Variants in SCN10A observed in about 807,000 individuals in gnomAD.
SCN10A encodes the protein sodium voltage-gated channel alpha subunit 10.
Under a neutral mutation model 170.7 loss-of-function variants are expected in SCN10A, and 162 were observed. That is an observed-to-expected ratio of 0.95 (90% CI 0.84 to 1.08). The LOEUF is 1.08. SCN10A is among the 50% of genes least tolerant of loss of function. The pLI is 0.00. For missense variants in SCN10A, 2,527 were observed against 2,436.9 expected, an observed-to-expected ratio of 1.04 and a Z score of -0.78; for synonymous variants, 985 against 904.6, an observed-to-expected ratio of 1.09 and a Z score of -1.59.
intron 15 of SCN10A, among the ~76,000 whole-genome samples, chr3:38,735,057 C>T (rs901739086): frequency 6.6e-6 from 1 of 151,094 alleles, no homozygotes; most frequent in Non-Finnish European, 1.5e-5. Flanking sequence ...GTAGTCCCAG[C>T]TACTCAGGAG....
At position 38,742,437 on chromosome 3, in the gene SCN10A, G is replaced by A; in HGVS notation, c.1960C>T (p.Leu654Phe). ...ACAAGCCCAAAGAGAATTGTCTTGA[G>A]CTTCACCCACATGGGGCAGCAATCC... ...IWDCCPMWVK[L>F]KTILFGLVTD... Residue 654 changes from leucine (L) to phenylalanine (F), a missense_variant, in exon 14 of 28, where the codon CTC becomes TTC. Leu to Phe is a conservative substitution (Grantham distance 22). Coordinates refer to ENST00000449082, the MANE Select transcript of SCN10A (RefSeq NM_006514.4). 6.2e-7 allele frequency: 1 copy of A among 1,614,200 alleles called. No homozygotes were observed. Among genetic ancestry groups the A allele is most frequent in the East Asian group, 2.2e-5 (1 of 44,870 alleles).
intron 5 of SCN10A, among the ~76,000 whole-genome samples, chr3:38,763,805 T>G (rs1043795982): frequency 6.6e-6 from 1 of 152,214 alleles, no homozygotes; most frequent in African/African-American, 2.4e-5. Flanking sequence ...AGAAGATGCA[T>G]TGTGATCTAG....
intron 21 of SCN10A, among the ~76,000 whole-genome samples, chr3:38,717,464 CT>C (rs1016397248): frequency 2.9e-4 from 44 of 152,360 alleles, no homozygotes; most frequent in African/African-American, 1.0e-3. Flanking sequence ...AATAATTTTC[CT>C]TTCATTTATG....
Position 38,805,296 on chromosome 3 carries a change from A to G in SCN10A, c.-33+10741T>C, listed in dbSNP as rs578123337. Among the ~76,000 whole-genome samples, 11 of 152,204 alleles carry G rather than the reference A, an allele frequency of 7.2e-5. No individual in the cohort carries two copies. The South Asian group carries it at 2.3e-3, about 32-fold the overall frequency. On this transcript the variant is annotated intron_variant, in intron 1 of 27. Transcript: ENST00000449082. ...GGTGCTGAGAAATACTAACTGAACT[A>G]CTGTTATGTCTGAGTGAAACTGTGT...
chr3:38,697,153 T>C lies in SCN10A; in HGVS notation c.*196A>G. The C allele has an allele frequency of 1.3e-6, 1 of 741,820 alleles. No individual in the cohort carries two copies. The highest frequency in any genetic ancestry group is 2.1e-5 in the South Asian group (1 of 47,886). 46.0% of individuals were successfully genotyped at this position (741,820 alleles called of 1,614,324 possible). ...AGGGAAATCACAGTGGAAGTGCTCT[T>C]AGCTTCTGACTCCTATTTGTGTATG... On this transcript the variant is annotated 3_prime_UTR_variant, in exon 28 of 28. Transcript: ENST00000449082.
chr3:38,805,724 T>G (rs2064400966), intron 1 of SCN10A, among the ~76,000 whole-genome samples: 1 of 152,168 alleles, frequency 6.6e-6, no homozygotes. Context: ...TACATGATCC[T>G]GCCCAGTCCT....
chr3:38,791,904 A>C (rs1275076408), intron 3 of SCN10A, 146 bp downstream of exon 3: 6 of 1,082,344 alleles, frequency 5.5e-6, no homozygotes, highest in Non-Finnish European at 7.9e-6. Context: ...TTAAAGGCCC[A>C]AGCCATTTTT....
intron 4 of SCN10A, among the ~76,000 whole-genome samples, chr3:38,778,179 A>G (rs2064098049): frequency 6.6e-6 from 1 of 152,076 alleles, no homozygotes; most frequent in Non-Finnish European, 1.5e-5. Flanking sequence ...CAGTAGATTC[A>G]GCTTCATTTC....
At chr3:38,732,993 CAAAGCTTGTAGT>C (rs2063526542) in intron 15 of SCN10A, among the ~76,000 whole-genome samples, 1 of 152,078 alleles carries the variant, frequency 6.6e-6, no homozygotes, top group African/African-American at 2.4e-5. Flanking sequence ...CAACTCTTAG[CAAAGCTTGTAGT>C]AATGGTGTAG....
intron 1 of SCN10A, among the ~76,000 whole-genome samples, chr3:38,800,788 G>A (rs2064366101): frequency 6.6e-6 from 1 of 152,110 alleles, no homozygotes; most frequent in African/African-American, 2.4e-5. Context: ...TCAAGTTTCT[G>A]TAGATATTTA....
At chr3:38,784,174 T>A (rs1280151850) in intron 4 of SCN10A, among the ~76,000 whole-genome samples, 1 of 152,086 alleles carries the variant, frequency 6.6e-6, no homozygotes, top group African/African-American at 2.4e-5. Flanking sequence ...ATGTATCAGT[T>A]TTTTCCTGTA....
chr3:38,772,508 T>C (rs148450274), intron 4 of SCN10A, among the ~76,000 whole-genome samples: 5,187 of 151,908 alleles, frequency 0.034, 146 homozygotes, highest in African/African-American at 0.074. Flanking sequence ...GCTAACGCGG[T>C]GAAACCCCGT....
intron 13 of SCN10A, among the ~76,000 whole-genome samples, chr3:38,743,312 G>A (rs570608672): frequency 1.6e-3 from 236 of 152,234 alleles, no homozygotes; most frequent in Middle Eastern, 3.4e-3. Context: ...CACTTGTGCC[G>A]GGCTCTTTCC....
intron 1 of SCN10A, among the ~76,000 whole-genome samples, chr3:38,813,505 T>G (rs1233563835): frequency 6.6e-6 from 1 of 152,174 alleles, no homozygotes; most frequent in Non-Finnish European, 1.5e-5. Flanking sequence ...TGTTTAATAT[T>G]TACAGTCGTC....
intron 1 of SCN10A, among the ~76,000 whole-genome samples, chr3:38,807,440 T>C (rs1378105270): frequency 6.6e-6 from 1 of 152,176 alleles, no homozygotes; most frequent in Admixed American, 6.5e-5. Context: ...AAGATGCAAA[T>C]GACCTCCAGG....
At chr3:38,709,433 G>A in intron 25 of SCN10A, 45 bp downstream of exon 25, 3 of 1,568,640 alleles carry the variant, frequency 1.9e-6, no homozygotes, top group Non-Finnish European at 2.6e-6. Context: ...GAAATATAAG[G>A]CTTACCACTA....
At position 38,701,927 on chromosome 3, in the gene SCN10A, A is replaced by T. The variant is rs2063160237; in HGVS notation, c.4569T>A (p.Cys1523Ter). Residue 1523 changes from cysteine to a stop codon, truncating the protein, a stop_gained, in exon 27 of 28, where the codon TGT becomes TGA. Coordinates refer to ENST00000449082, the MANE Select transcript of SCN10A (RefSeq NM_006514.4). LOFTEE classifies it high-confidence loss of function. ...GCCTCAAAGCGAACATCTTCATGACACATTCGCCTGTGAAGACGGCCACAA... is the reference window on the plus strand; with the variant it reads ...GCCTCAAAGCGAACATCTTCATGACTCATTCGCCTGTGAAGACGGCCACAA... ...QFFVAVFTGECVMKMFALRQY... is the reference protein window; with the variant it reads ...QFFVAVFTGE 6.2e-7 allele frequency: 1 copy of T among 1,614,092 alleles called. No individual in the cohort carries two copies. Among genetic ancestry groups the T allele is most frequent in the Admixed American group, 1.7e-5 (1 of 60,012 alleles).
chr3:38,772,998 A>G (rs2064027642), intron 4 of SCN10A, among the ~76,000 whole-genome samples: 1 of 152,184 alleles, frequency 6.6e-6, no homozygotes, highest in African/African-American at 2.4e-5. Context: ...TCAGACTAGG[A>G]GGTATATTGT....
At chr3:38,785,283 T>C (rs1003027348) in intron 4 of SCN10A, among the ~76,000 whole-genome samples, 3 of 152,040 alleles carry the variant, frequency 2.0e-5, no homozygotes, top group African/African-American at 7.2e-5. Context: ...CCAAAACAGA[T>C]ATCTAGACCA....
Sources: allele counts gnomAD v4.1 joint callset (sites outside exome capture counted in the v4.1 genomes callset), GRCh38; gene constraint gnomAD v4.1.1; transcripts MANE v1.5; gene names NCBI Gene and HGNC (gene_info 2026-07-23, HGNC 2026-07-21).